EIF2S1: variants seen among roughly 807,000 people sequenced by gnomAD.
EIF2S1 encodes the protein eukaryotic translation initiation factor 2 subunit alpha.
In EIF2S1, 5 loss-of-function variants were observed where a neutral mutation model predicts 33.5. The observed-to-expected ratio is 0.15, with a 90% CI of 0.08 to 0.31. EIF2S1 has a LOEUF of 0.31. EIF2S1 is among the 10% of genes least tolerant of loss of function. The pLI, the probability that EIF2S1 is intolerant of heterozygous loss-of-function variation, is 1.00. For missense variants in EIF2S1, 191 were observed against 384.6 expected (o/e 0.50, Z 4.21); for synonymous variants, 99 against 127.5 (o/e 0.78, Z 1.51).
At position 67,383,845 on chromosome 14, in the gene EIF2S1, T is replaced by C; in HGVS notation, c.*405T>C. ...TGTATTCAAGCAAACATCAAATAAA[T>C]TTCTGGGATATTTAACTATAGGCTT... On this transcript the variant is annotated 3_prime_UTR_variant, in exon 8 of 8. Transcript: ENST00000256383. 1 of 243,182 alleles carries C rather than the reference T, an allele frequency of 4.1e-6. No individual in the cohort carries two copies. Among genetic ancestry groups the C allele is most frequent in the Non-Finnish European group, 8.2e-6 (1 of 122,012 alleles). 15.1% of individuals were successfully genotyped at this position (243,182 alleles called of 1,614,324 possible). A position where few individuals can be genotyped will look rare whatever the true frequency, so the allele number is the denominator to read the frequency against.
At chr14:67,367,740 G>A (rs560387172) in intron 2 of EIF2S1, among the ~76,000 whole-genome samples, 1 of 152,136 alleles carries the variant, frequency 6.6e-6, no homozygotes, top group Non-Finnish European at 1.5e-5. Flanking sequence ...GGCGGCTGAG[G>A]TAGGGGGATG....
Position 67,383,665 on chromosome 14 carries a change from A to G in EIF2S1, c.*225A>G. On this transcript the variant is annotated 3_prime_UTR_variant, in exon 8 of 8. Coordinates refer to ENST00000256383, the MANE Select transcript of EIF2S1 (RefSeq NM_004094.5). Reference sequence around the variant, plus strand: ...TGAGCATTTTTAAGGGAGTGGCCTCATTTCACTAGAGACAAATCTTTAAGA... The same window carrying G: ...TGAGCATTTTTAAGGGAGTGGCCTCGTTTCACTAGAGACAAATCTTTAAGA... 1 of 478,106 alleles carries G rather than the reference A, an allele frequency of 2.1e-6. No homozygotes were observed. Among genetic ancestry groups the G allele is most frequent in the Non-Finnish European group, 3.7e-6 (1 of 267,250 alleles). The allele number at this position is 478,106 out of a possible 1,614,324, so 29.6% of individuals were successfully genotyped here. A position where few individuals can be genotyped will look rare whatever the true frequency, so the allele number is the denominator to read the frequency against.
chr14:67,374,516 A>C lies in EIF2S1; in HGVS notation c.290A>C (p.Lys97Thr). The change falls in exon 3 of 8, where the codon AAA becomes ACA. Residue 97 changes from lysine to threonine, a missense_variant. Transcript: ENST00000256383. ...AGAGTTTCTCCAGAGGAAGCAATCAAATGTGAAGACAAATTCACAAAATCC... is the reference window on the plus strand; with the variant it reads ...AGAGTTTCTCCAGAGGAAGCAATCACATGTGAAGACAAATTCACAAAATCC... ...KRRVSPEEAI[K>T]CEDKFTKSKT... is the part of the protein sequence containing the mutation. The C allele has an allele frequency of 6.2e-7, 1 of 1,608,538 alleles. No homozygotes were observed. Among genetic ancestry groups the C allele is most frequent in the Non-Finnish European group, 8.5e-7 (1 of 1,176,660 alleles).
chr14:67,369,185 ATATGC>A (rs2085802142), intron 2 of EIF2S1, among the ~76,000 whole-genome samples: 2 of 152,256 alleles, frequency 1.3e-5, no homozygotes, highest in Non-Finnish European at 2.9e-5. Flanking sequence ...ATATAAAAAG[ATATGC>A]TATGCAGACA....
chr14:67,361,557 C>T (rs1475867489), intron 1 of EIF2S1, among the ~76,000 whole-genome samples: 2 of 152,238 alleles, frequency 1.3e-5, no homozygotes, highest in African/African-American at 4.8e-5. Context: ...GTCCCCATCA[C>T]ATAATATATT....
At chr14:67,361,813 TCGGATTACTTG>T (rs1224282652) in intron 1 of EIF2S1, among the ~76,000 whole-genome samples, 1 of 152,214 alleles carries the variant, frequency 6.6e-6, no homozygotes, top group Non-Finnish European at 1.5e-5. Context: ...GGATTTGATG[TCGGATTACTTG>T]AGTTTAGCTC....
At chr14:67,377,235 A>G (rs1434837410) in intron 4 of EIF2S1, among the ~76,000 whole-genome samples, 2 of 151,982 alleles carry the variant, frequency 1.3e-5, no homozygotes, top group Non-Finnish European at 2.9e-5. Flanking sequence ...CCTTCCATCC[A>G]TCCAGCCTTG....
At chr14:67,375,841 A>G (rs938103489) in intron 3 of EIF2S1, among the ~76,000 whole-genome samples, 40 of 152,160 alleles carry the variant, frequency 2.6e-4, no homozygotes, top group African/African-American at 9.7e-4. Context: ...GGAAAATTTC[A>G]TATTTTTTTG....
intron 2 of EIF2S1, among the ~76,000 whole-genome samples, chr14:67,371,422 CAA>C (rs898878534): frequency 7.7e-6 from 1 of 129,912 alleles, no homozygotes; most frequent in Non-Finnish European, 1.7e-5. Flanking sequence ...TGTCTCCCAC[CAA>C]AAAAAAAAAA....
intron 3 of EIF2S1, 95 bp downstream of exon 3, chr14:67,374,642 G>C: frequency 1.3e-6 from 1 of 771,612 alleles, no homozygotes; most frequent in Non-Finnish European, 2.0e-6. Context: ...TTAAAGTATT[G>C]CTTATGATCT....
At chr14:67,376,715 G>A (rs1222824680) in intron 4 of EIF2S1, 125 bp downstream of exon 4, 3 of 965,098 alleles carry the variant, frequency 3.1e-6, no homozygotes, top group Non-Finnish European at 4.6e-6. Context: ...GTATTGGCCA[G>A]TAAATGGGCC....
chr14:67,375,604 C>T (rs1195850747), intron 3 of EIF2S1, among the ~76,000 whole-genome samples: 1 of 151,578 alleles, frequency 6.6e-6, no homozygotes, highest in Non-Finnish European at 1.5e-5. Flanking sequence ...AAATAAAGGT[C>T]TAAAAGCCAT....
intron 7 of EIF2S1, 79 bp downstream of exon 7, chr14:67,382,669 G>A (rs1349611818): frequency 2.0e-6 from 3 of 1,527,108 alleles, no homozygotes; most frequent in South Asian, 1.1e-5. Flanking sequence ...AAGAGCTGTC[G>A]GCCTTGGAAT....
intron 7 of EIF2S1, 117 bp downstream of exon 7, chr14:67,382,707 C>A: frequency 8.6e-7 from 1 of 1,166,468 alleles, no homozygotes. Flanking sequence ...TCATTCAGGC[C>A]TTTGATCACT....
intron 7 of EIF2S1, among the ~76,000 whole-genome samples, chr14:67,382,904 CGTGCGTGT>C (rs1431982389): frequency 7.1e-6 from 1 of 140,450 alleles, no homozygotes; most frequent in Non-Finnish European, 1.5e-5. Context: ...TACGTGCGTG[CGTGCGTGT>C]GTGTGTGTGT....
chr14:67,362,111 C>T (rs2085746783), intron 1 of EIF2S1, among the ~76,000 whole-genome samples: 1 of 150,876 alleles, frequency 6.6e-6, no homozygotes, highest in Admixed American at 6.6e-5. Context: ...AGCCTCTGCC[C>T]CTGGGTTCAA....
chr14:67,364,707 A>T (rs2085762797), intron 1 of EIF2S1, 60 bp from the exon 2 acceptor site: 2 of 1,356,946 alleles, frequency 1.5e-6, no homozygotes, highest in Non-Finnish European at 2.0e-6. Context: ...GTGGAAATTG[A>T]TTTTTTTTTT....
chr14:67,362,714 T>C (rs2085751047), intron 1 of EIF2S1, among the ~76,000 whole-genome samples: 1 of 152,170 alleles, frequency 6.6e-6, no homozygotes, highest in Admixed American at 6.5e-5. Context: ...AGTCACCTAG[T>C]GTGACTTCGA....
At chr14:67,362,184 T>C (rs2085747134) in intron 1 of EIF2S1, among the ~76,000 whole-genome samples, 1 of 151,932 alleles carries the variant, frequency 6.6e-6, no homozygotes, top group Non-Finnish European at 1.5e-5. Flanking sequence ...CACACCCAGC[T>C]AATTTTGGTA....
Sources: gnomAD v4.1 joint callset for allele counts (sites outside exome capture counted in the v4.1 genomes callset) on GRCh38, gnomAD v4.1.1 for gene constraint, MANE v1.5 for transcripts, NCBI Gene and HGNC (gene_info 2026-07-23, HGNC 2026-07-21) for gene names.